PDCD10: variants seen among roughly 807,000 people sequenced by gnomAD.
PDCD10 encodes the protein programmed cell death 10.
In PDCD10, 4 loss-of-function variants were observed where a neutral mutation model predicts 29.2. The observed-to-expected ratio is 0.14, with a 90% confidence interval of 0.07 to 0.31. The LOEUF is 0.31. Among genes scored for constraint, PDCD10 ranks in the 10% least tolerant of loss-of-function variants. The pLI, the probability that PDCD10 is intolerant of heterozygous loss-of-function variation, is 1.00. For synonymous variants in PDCD10, 70 were observed against 82.2 expected (o/e 0.85, Z 0.80); for missense variants, 183 against 257.9 (o/e 0.71, Z 1.99).
chr3:167,697,231 CTTT>C, intron 4 of PDCD10, 105 bp from the exon 5 acceptor site: 1 of 696,116 alleles, frequency 1.4e-6, no homozygotes, highest in South Asian at 1.5e-5. Context: ...ACACTGATAA[CTTT>C]TAAGGGCAGA....
intron 6 of PDCD10, among the ~76,000 whole-genome samples, chr3:167,692,341 T>C (rs547911260): frequency 4.4e-4 from 67 of 152,336 alleles, no homozygotes; most frequent in African/African-American, 1.6e-3. Context: ...ATAAAGTGCA[T>C]CCATATATGC....
chr3:167,691,298 C>T (rs1427693792), intron 6 of PDCD10, among the ~76,000 whole-genome samples: 1 of 152,192 alleles, frequency 6.6e-6, no homozygotes, highest in African/African-American at 2.4e-5. Context: ...TATCAACAAA[C>T]TTGCCAGGGC....
chr3:167,707,705 C>CA (rs889863018), intron 3 of PDCD10, among the ~76,000 whole-genome samples: 41 of 151,424 alleles, frequency 2.7e-4, no homozygotes, highest in Middle Eastern at 3.4e-3. Context: ...CAAAACAAAA[C>CA]AAAAAAAACA....
intron 2 of PDCD10, among the ~76,000 whole-genome samples, chr3:167,733,781 G>C (rs1725067848): frequency 6.6e-6 from 1 of 152,212 alleles, no homozygotes; most frequent in East Asian, 1.9e-4. Context: ...CTAAGGATGG[G>C]ATATATTGTT....
chr3:167,687,175 CAT>C (rs1194196280), intron 8 of PDCD10, 57 bp downstream of exon 8: 16 of 875,408 alleles, frequency 1.8e-5, no homozygotes, highest in Non-Finnish European at 3.0e-5. Context: ...GTTTTCATAT[CAT>C]ATAAAACCAC....
At chr3:167,715,841 A>G (rs2108470954) in intron 3 of PDCD10, among the ~76,000 whole-genome samples, 1 of 152,148 alleles carries the variant, frequency 6.6e-6, no homozygotes. Context: ...ACCACTATGG[A>G]GAACAGTTTG....
At chr3:167,700,765 C>T (rs1320110790) in intron 4 of PDCD10, among the ~76,000 whole-genome samples, 1 of 152,102 alleles carries the variant, frequency 6.6e-6, no homozygotes, top group African/African-American at 2.4e-5. Flanking sequence ...AGAGGTTTTG[C>T]TTAAAAAATG....
chr3:167,731,906 T>C (rs1724856102), intron 2 of PDCD10, among the ~76,000 whole-genome samples: 2 of 151,990 alleles, frequency 1.3e-5, no homozygotes. Flanking sequence ...CACATTTAGG[T>C]AGGCGTGAGG....
chr3:167,702,284 G>A (rs2108430124), intron 4 of PDCD10, among the ~76,000 whole-genome samples: 1 of 152,192 alleles, frequency 6.6e-6, no homozygotes, highest in South Asian at 2.1e-4. Context: ...CTCCTCCTCA[G>A]CGTATTCAAT....
At chr3:167,731,054 C>A (rs1724750591) in intron 2 of PDCD10, 1 of 152,062 alleles carries the variant, frequency 6.6e-6, no homozygotes, top group African/African-American at 2.4e-5. Context: ...CAGATTCTAA[C>A]CATGGTTCCA....
chr3:167,720,531 A>T (rs1723462010), intron 2 of PDCD10, among the ~76,000 whole-genome samples: 1 of 152,098 alleles, frequency 6.6e-6, no homozygotes, highest in African/African-American at 2.4e-5. Flanking sequence ...ACCTGAACTC[A>T]GAGAGCTCTC....
rs1189423364 is a variant in PDCD10 at position 167,734,858 on chromosome 3, C to G, written c.-450G>C. On this transcript the variant is annotated 5_prime_UTR_variant, in exon 1 of 9. Transcript: ENST00000392750. ...CCACCTTGCAGCCCTCTTCAACTCC[C>G]GGATCAATTCACTCCGGCGACGCCG... 6.5e-6 allele frequency: 1 copy of G among 153,554 alleles called. No individual in the cohort carries two copies. The highest frequency in any genetic ancestry group is 1.5e-5 in the Non-Finnish European group (1 of 68,788). The allele number at this position is 153,554 out of a possible 1,614,324, so 9.5% of individuals were successfully genotyped here. A position where few individuals can be genotyped will look rare whatever the true frequency, so the allele number is the denominator to read the frequency against.
At chr3:167,710,847 A>T (rs960254414) in intron 3 of PDCD10, among the ~76,000 whole-genome samples, 1 of 152,250 alleles carries the variant, frequency 6.6e-6, no homozygotes, top group Admixed American at 6.5e-5. Flanking sequence ...AGTTCAGCAC[A>T]GAGAGACAGA....
At chr3:167,733,572 TAA>T (rs2108518057) in intron 2 of PDCD10, among the ~76,000 whole-genome samples, 1 of 152,200 alleles carries the variant, frequency 6.6e-6, no homozygotes. Context: ...GGGGGAAAAG[TAA>T]AGTCTCAAAA....
At chr3:167,700,039 G>A (rs192010232) in intron 4 of PDCD10, among the ~76,000 whole-genome samples, 29 of 152,140 alleles carry the variant, frequency 1.9e-4, no homozygotes, top group African/African-American at 6.5e-4. Flanking sequence ...AAACTCACAC[G>A]CAAACAGACT....
intron 3 of PDCD10, among the ~76,000 whole-genome samples, chr3:167,717,622 A>G (rs1389731921): frequency 6.6e-6 from 1 of 152,038 alleles, no homozygotes. Context: ...CCAAATAATA[A>G]TCCTAGTATT....
chr3:167,709,147 G>GAA (rs376090549), intron 3 of PDCD10, among the ~76,000 whole-genome samples: 3 of 146,662 alleles, frequency 2.0e-5, no homozygotes, highest in Non-Finnish European at 4.5e-5. Context: ...ATCTTAACAT[G>GAA]AAAAAAAAAA....
chr3:167,700,713 A>G (rs1286834042), intron 4 of PDCD10, among the ~76,000 whole-genome samples: 1 of 152,228 alleles, frequency 6.6e-6, no homozygotes, highest in Non-Finnish European at 1.5e-5. Context: ...TCTAAAGCTG[A>G]AGAATTTAAT....
At chr3:167,727,123 G>A (rs1334163328) in intron 2 of PDCD10, among the ~76,000 whole-genome samples, 1 of 152,166 alleles carries the variant, frequency 6.6e-6, no homozygotes, top group Non-Finnish European at 1.5e-5. Context: ...AGGCTGGGTA[G>A]CAGGCTGGGT....
Sources: gnomAD v4.1 joint callset for allele counts (sites outside exome capture counted in the v4.1 genomes callset) on GRCh38, gnomAD v4.1.1 for gene constraint, MANE v1.5 for transcripts, NCBI Gene and HGNC (gene_info 2026-07-23, HGNC 2026-07-21) for gene names.